The following FMO1 variants were observed in gnomAD, a reference collection of about 807,000 sequenced individuals.
FMO1 encodes the protein flavin containing dimethylaniline monoxygenase 1.
A neutral mutation model predicts 45.4 loss-of-function variants in FMO1; 36 were observed. The ratio of observed to expected loss-of-function variants is 0.79; its 90% confidence interval spans 0.61 to 1.05. The LOEUF (loss-of-function observed/expected upper bound fraction) is 1.05. Ranked by LOEUF, FMO1 falls within the 50% of genes least tolerant of loss-of-function variation. The probability of loss-of-function intolerance (pLI) is 0.00; values close to 1 mark genes in which losing one functional copy is unlikely to be tolerated. For synonymous variants in FMO1, 228 were observed against 227.2 expected (o/e 1.00, Z -0.03); for missense variants, 615 against 640.3 (o/e 0.96, Z 0.43).
intron 2 of FMO1, among the ~76,000 whole-genome samples, chr1:171,258,728 G>A (rs1345747254): frequency 6.6e-6 from 1 of 152,176 alleles, no homozygotes; most frequent in Non-Finnish European, 1.5e-5. Flanking sequence ...CCCAGTGCAG[G>A]CCAAGAACAA....
Position 171,269,907 on chromosome 1 carries a change from T to C in FMO1, c.321+2176T>C, listed in dbSNP as rs563190320. Among the ~76,000 whole-genome samples the C allele has an allele frequency of 2.4e-3, 370 of 152,342 alleles. 2 individuals carry two copies. Among genetic ancestry groups the C allele is most frequent in the African/African-American group, 8.0e-3 (332 of 41,584 alleles). On this transcript the variant is annotated intron_variant, in intron 3 of 8. Coordinates refer to ENST00000617670, the MANE Select transcript of FMO1 (RefSeq NM_001282693.2). ...TGGCCCAATTAATTAAAAATACTTT[T>C]AATGGAAAGTCTCATTTCCTGAGCA...
At chr1:171,257,690 A>C (rs1309765086) in intron 1 of FMO1, 26 of 251,954 alleles carry the variant, frequency 1.0e-4, no homozygotes, top group Non-Finnish European at 1.6e-4. Flanking sequence ...TGATAAAGAG[A>C]TTGTGTCTGA....
At chr1:171,284,751 G>GA (rs1490992026) in intron 8 of FMO1, among the ~76,000 whole-genome samples, 2 of 147,642 alleles carry the variant, frequency 1.4e-5, no homozygotes, top group African/African-American at 2.5e-5. Context: ...AAAGAAAAAA[G>GA]AAAAAAAGAA....
At chr1:171,271,616 C>T in intron 3 of FMO1, 3 of 740,414 alleles carry the variant, frequency 4.1e-6, no homozygotes, top group Non-Finnish European at 7.3e-6. Context: ...CAGTGAGGCA[C>T]AGAGTTGCCC....
intron 1 of FMO1, among the ~76,000 whole-genome samples, chr1:171,254,635 C>T (rs962256293): frequency 6.6e-5 from 10 of 152,152 alleles, no homozygotes; most frequent in East Asian, 1.9e-4. Context: ...GATACACTGT[C>T]GTTGGTCTAG....
intron 1 of FMO1, among the ~76,000 whole-genome samples, chr1:171,253,709 C>T (rs147038973): frequency 4.7e-4 from 72 of 151,906 alleles, no homozygotes; most frequent in Admixed American, 2.9e-3. Context: ...TGCAGTGAGC[C>T]GAGATCATGC....
At position 171,258,220 on chromosome 1, in the gene FMO1, G is replaced by A. The variant is rs753474683; in HGVS notation, c.132+1G>A. On this transcript the variant is annotated splice_donor_variant, in intron 2 of 8. Coordinates refer to ENST00000617670, the MANE Select transcript of FMO1 (RefSeq NM_001282693.2). LOFTEE classifies it high-confidence loss of function. ...CCTTGGGGGGCTGTGGAGATTCACC[G>A]TAAGTGGGGTTTCAACAACTTTATC... 6 of 1,613,824 alleles carry A rather than the reference G, an allele frequency of 3.7e-6. No individual in the cohort carries two copies. Among genetic ancestry groups the A allele is most frequent in the Middle Eastern group, 1.6e-4 (1 of 6,078 alleles).
intron 1 of FMO1, among the ~76,000 whole-genome samples, chr1:171,257,163 G>A (rs1006008328): frequency 4.6e-5 from 7 of 152,162 alleles, no homozygotes; most frequent in Non-Finnish European, 8.8e-5. Context: ...TATTTGTGAT[G>A]CACAGAAGGG....
In FMO1 at chr1:171,282,140, A is replaced by G. The variant is rs1225029106; in HGVS notation, c.990A>G (p.Gly330=). 1.9e-6 allele frequency: 3 copies of G among 1,614,048 alleles called. No individual in the cohort carries two copies. In the South Asian group the frequency reaches 3.3e-5, roughly 18 times the overall value. ...EPIDIIVFAT[G]YTFAFPFLDE... is the part of the protein sequence containing the mutation. ...TTGACATCATTGTCTTTGCCACTGG[A>G]TACACATTTGCTTTCCCCTTCCTTG... is the stretch of plus-strand genomic sequence containing the variant. The change falls in exon 7 of 9, where the codon GGA becomes GGG. Residue 330 remains glycine (G), a synonymous_variant. Transcript: ENST00000617670.
At chr1:171,250,482 C>T (rs73032600) in intron 1 of FMO1, among the ~76,000 whole-genome samples, 1,934 of 152,280 alleles carry the variant, frequency 0.013, 40 homozygotes, top group African/African-American at 0.045. Context: ...CAGGCGTCAC[C>T]TCATGTTTTG....
At position 171,283,037 on chromosome 1, in the gene FMO1, C is replaced by T. The variant is rs1008746434; in HGVS notation, c.1184-107C>T. 8.7e-6 allele frequency: 6 copies of T among 690,424 alleles called. No homozygotes were observed. The African/African-American group carries it at 1.1e-4, about 13-fold the overall frequency. 42.8% of individuals were successfully genotyped at this position (690,424 alleles called of 1,614,324 possible). ...TTTTGCCAGAAGGATCAATGAGTAG[C>T]TGGTACTAGACGTGAAAGGAGAGCC... On this transcript the variant is annotated intron_variant, in intron 7 of 8. Transcript: ENST00000617670.
chr1:171,254,261 T>C (rs963893195), intron 1 of FMO1, among the ~76,000 whole-genome samples: 8 of 152,222 alleles, frequency 5.3e-5, no homozygotes, highest in Non-Finnish European at 1.2e-4. Flanking sequence ...GCTAACTTTT[T>C]TGTATTTTTG....
At chr1:171,272,273 T>A (rs1660903382) in intron 3 of FMO1, among the ~76,000 whole-genome samples, 1 of 152,240 alleles carries the variant, frequency 6.6e-6, no homozygotes, top group Admixed American at 6.5e-5. Flanking sequence ...TCACCTAGAT[T>A]TCACAGGATG....
intron 8 of FMO1, among the ~76,000 whole-genome samples, chr1:171,284,249 T>C (rs986548830): frequency 6.6e-6 from 1 of 151,896 alleles, no homozygotes; most frequent in African/African-American, 2.4e-5. Context: ...CTCTTGTTCA[T>C]ATATATTCCC....
intron 1 of FMO1, chr1:171,253,847 T>C (rs1221886002): frequency 6.6e-6 from 1 of 152,172 alleles, no homozygotes; most frequent in African/African-American, 2.4e-5. Flanking sequence ...TGAGGTATGG[T>C]GGTGGCCCAG....
At chr1:171,276,787 C>T (rs7534650) in intron 4 of FMO1, among the ~76,000 whole-genome samples, 1 of 151,982 alleles carries the variant, frequency 6.6e-6, no homozygotes, top group East Asian at 1.9e-4. Context: ...CTGGATTTGC[C>T]CCCCAAAGTC....
chr1:171,283,660 G>A (rs751016785), intron 8 of FMO1, among the ~76,000 whole-genome samples: 14 of 151,968 alleles, frequency 9.2e-5, no homozygotes, highest in South Asian at 2.1e-4. Context: ...GTTTTTATTC[G>A]GAGTGTGGCT....
At chr1:171,264,384 TAG>T (rs1558008103) in intron 2 of FMO1, among the ~76,000 whole-genome samples, 1 of 149,632 alleles carries the variant, frequency 6.7e-6, no homozygotes, top group Non-Finnish European at 1.5e-5. Flanking sequence ...TATTTATATA[TAG>T]AGAGAAAAAT....
intron 3 of FMO1, chr1:171,270,659 A>G (rs1411322381): frequency 1.1e-5 from 11 of 1,010,896 alleles, no homozygotes; most frequent in East Asian, 1.0e-4. Context: ...TACCATCCCC[A>G]TATATAACTA....
Sources: gnomAD v4.1 joint callset for allele counts (sites outside exome capture counted in the v4.1 genomes callset) on GRCh38, gnomAD v4.1.1 for gene constraint, MANE v1.5 for transcripts, NCBI Gene and HGNC (gene_info 2026-07-23, HGNC 2026-07-21) for gene names.